The following LRRC37A2 variants were observed in gnomAD, a reference collection of about 807,000 sequenced individuals.
LRRC37A2 encodes the protein leucine rich repeat containing 37 member A2.
Under a neutral mutation model 68.8 loss-of-function variants are expected in LRRC37A2, and 9 were observed. The ratio of observed to expected loss-of-function variants is 0.13; its 90% confidence interval spans 0.08 to 0.23. The LOEUF (loss-of-function observed/expected upper bound fraction) is 0.23. Ranked by LOEUF, LRRC37A2 falls within the 10% of genes least tolerant of loss-of-function variation. The pLI is 1.00. For synonymous variants in LRRC37A2, 63 were observed against 367.6 expected (o/e 0.17, Z 9.48); for missense variants, 168 against 950.4 (o/e 0.18, Z 10.82).
chr17:46,908,007 TG>T, the LRRC37A2 span, among the ~76,000 whole-genome samples: 1 of 152,054 alleles, frequency 6.6e-6, no homozygotes, highest in African/African-American at 2.4e-5. Context: ...GAGAGCAGGC[TG>T]GGGGGCAGCT....
chr17:46,885,098 C>T, the LRRC37A2 span: 1 of 435,308 alleles, frequency 2.3e-6, no homozygotes, highest in East Asian at 7.5e-5. Flanking sequence ...AAGCGATTCT[C>T]CCGTCTCAGC....
chr17:46,490,121 A>G, the LRRC37A2 span, among the ~76,000 whole-genome samples: 8 of 151,214 alleles, frequency 5.3e-5, no homozygotes, highest in South Asian at 2.1e-4. Flanking sequence ...TGATCTAATG[A>G]TCAGGGGATT....
the LRRC37A2 span, among the ~76,000 whole-genome samples, chr17:46,736,721 G>T: frequency 6.6e-6 from 1 of 152,132 alleles, no homozygotes; most frequent in Non-Finnish European, 1.5e-5. Context: ...AACCACTAGG[G>T]TTAAATGAGA....
the LRRC37A2 span, among the ~76,000 whole-genome samples, chr17:46,717,041 TC>T: frequency 6.6e-6 from 1 of 152,172 alleles, no homozygotes; most frequent in African/African-American, 2.4e-5. Flanking sequence ...TTATCTATAC[TC>T]CCAAGTTCAT....
At chr17:46,839,317 T>A in the LRRC37A2 span, among the ~76,000 whole-genome samples, 8 of 152,254 alleles carry the variant, frequency 5.3e-5, no homozygotes, top group Non-Finnish European at 1.0e-4. Flanking sequence ...TTGTGGCCAC[T>A]GCCAATGGGA....
At chr17:47,009,749 C>A in the LRRC37A2 span, among the ~76,000 whole-genome samples, 1 of 152,346 alleles carries the variant, frequency 6.6e-6, no homozygotes. Flanking sequence ...TGCTGCCCTG[C>A]TGGGATGAGA....
the LRRC37A2 span, among the ~76,000 whole-genome samples, chr17:46,606,082 G>T: frequency 1.0e-5 from 1 of 96,948 alleles, no homozygotes; most frequent in African/African-American, 5.1e-5. Flanking sequence ...AGGAGGCTGA[G>T]GTAGGAGAAT....
chr17:46,542,058 GGAGGTTGCAATGAGCC>G (rs2055422036), intron 8 of LRRC37A2, among the ~76,000 whole-genome samples: 1 of 137,950 alleles, frequency 7.2e-6, no homozygotes, highest in Non-Finnish European at 1.5e-5. Context: ...CTTGAGAGGT[GGAGGTTGCAATGAGCC>G]GAGATTGCAC....
the LRRC37A2 span, among the ~76,000 whole-genome samples, chr17:46,968,349 C>G: frequency 6.6e-6 from 1 of 152,254 alleles, no homozygotes; most frequent in African/African-American, 2.4e-5. Context: ...TGTCCCAACT[C>G]TGTCTCTCAG....
At chr17:46,896,452 A>AAAAGAAAGAAAGAAAGAAAAAG in the LRRC37A2 span, among the ~76,000 whole-genome samples, 1 of 65,834 alleles carries the variant, frequency 1.5e-5, no homozygotes, top group Non-Finnish European at 3.2e-5. Flanking sequence ...GAAAGAAAGA[A>AAAAGAAAGAAAGAAAGAAAAAG]AAAGAAAGAA....
At chr17:47,026,937 G>A in the LRRC37A2 span, among the ~76,000 whole-genome samples, 30 of 148,746 alleles carry the variant, frequency 2.0e-4, no homozygotes, top group African/African-American at 6.7e-4. Flanking sequence ...TTGTGATGGA[G>A]TCTCGCTCTG....
the LRRC37A2 span, among the ~76,000 whole-genome samples, chr17:46,974,773 T>G: frequency 1.3e-5 from 2 of 151,156 alleles, no homozygotes; most frequent in Non-Finnish European, 2.9e-5. Context: ...GAAACTGATT[T>G]GAATCCCAGC....
chr17:47,034,572 A>G, the LRRC37A2 span, among the ~76,000 whole-genome samples: 2 of 152,122 alleles, frequency 1.3e-5, no homozygotes, highest in Non-Finnish European at 2.9e-5. Context: ...ACTGCCTTAC[A>G]GTCATTATTT....
At chr17:46,951,887 T>C in the LRRC37A2 span, among the ~76,000 whole-genome samples, 3 of 151,916 alleles carry the variant, frequency 2.0e-5, no homozygotes, top group Non-Finnish European at 4.4e-5. Flanking sequence ...GCCTCGCTGC[T>C]TCTCCCCCCC....
chr17:46,786,904 T>C, the LRRC37A2 span, among the ~76,000 whole-genome samples: 14 of 152,006 alleles, frequency 9.2e-5, no homozygotes, highest in Admixed American at 3.9e-4. Context: ...AGTACAAAGA[T>C]AGATGTTCAG....
chr17:46,895,444 G>T, the LRRC37A2 span, among the ~76,000 whole-genome samples: 28,832 of 152,170 alleles, frequency 0.19, 2,887 homozygotes, highest in South Asian at 0.29. Context: ...CACCCGTGAG[G>T]TGGGGTCAGT....
chr17:46,608,924 T>G, the LRRC37A2 span, among the ~76,000 whole-genome samples: 2 of 151,840 alleles, frequency 1.3e-5, no homozygotes, highest in African/African-American at 4.9e-5. Context: ...GTGATGAGGA[T>G]GTGCAGCAGC....
the LRRC37A2 span, among the ~76,000 whole-genome samples, chr17:46,494,504 A>C: frequency 6.7e-6 from 1 of 149,554 alleles, no homozygotes; most frequent in African/African-American, 2.5e-5. Flanking sequence ...GTTCCAATAA[A>C]ACTTTATGAA....
At chr17:46,521,470 A>G (rs2052272958) in intron 4 of LRRC37A2, among the ~76,000 whole-genome samples, 1 of 55,126 alleles carries the variant, frequency 1.8e-5, no homozygotes, top group Non-Finnish European at 4.5e-5. Context: ...CTTTATTTCC[A>G]TGTGTCAGTT....
Sources: allele counts gnomAD v4.1 joint callset (sites outside exome capture counted in the v4.1 genomes callset), GRCh38; gene constraint gnomAD v4.1.1; transcripts MANE v1.5; gene names NCBI Gene and HGNC (gene_info 2026-07-23, HGNC 2026-07-21).